Variants in TMEM117 observed in about 807,000 individuals in gnomAD.
TMEM117 encodes transmembrane protein 117.
Under a neutral mutation model 52.4 loss-of-function variants are expected in TMEM117, and 27 were observed. That is an observed-to-expected ratio of 0.51 (90% confidence interval 0.38 to 0.71). The LOEUF is 0.71. Ranked by LOEUF, TMEM117 falls within the 30% of genes least tolerant of loss-of-function variation. The pLI, the probability that TMEM117 is intolerant of heterozygous loss-of-function variation, is 0.00. For synonymous variants in TMEM117, 215 were observed against 206.3 expected, an observed-to-expected ratio of 1.04 and a Z score of -0.36; for missense variants, 556 against 630.5, an observed-to-expected ratio of 0.88 and a Z score of 1.26.
intron 2 of TMEM117, among the ~76,000 whole-genome samples, chr12:43,893,450 A>G (rs1029866952): frequency 6.6e-6 from 1 of 152,222 alleles, no homozygotes; most frequent in African/African-American, 2.4e-5. Flanking sequence ...ATTTTTTGAA[A>G]CCAAGTTTCA....
At chr12:43,820,581 A>ATTT in the TMEM117 span, among the ~76,000 whole-genome samples, 3 of 135,148 alleles carry the variant, frequency 2.2e-5, no homozygotes, top group Non-Finnish European at 3.2e-5. Context: ...CCACAGGCGT[A>ATTT]TTTTTTTTTT....
rs192526739 is a variant in TMEM117 at position 43,979,114 on chromosome 12, G to A, written c.410+34772G>A. Among the ~76,000 whole-genome samples, 59 of 151,970 alleles carry A rather than the reference G, an allele frequency of 3.9e-4. 1 individual carries two copies. The East Asian group carries it at 4.3e-3, about 11-fold the overall frequency. ...TCAGTAGTTATGTTCAAGGAGGGGC[G>A]AAGCCAATTAATATTACCCAGTAAT... is the stretch of plus-strand genomic sequence containing the variant. On this transcript the variant is annotated intron_variant, in intron 3 of 7. Transcript: ENST00000266534.
intron 4 of TMEM117, among the ~76,000 whole-genome samples, chr12:44,208,528 A>G (rs1949601146): frequency 2.0e-5 from 3 of 152,084 alleles, no homozygotes; most frequent in Admixed American, 2.0e-4. Flanking sequence ...TCCTTGACCA[A>G]CACCAGAAAT....
chr12:44,222,823 C>T (rs1003700058), intron 5 of TMEM117, among the ~76,000 whole-genome samples: 4 of 152,154 alleles, frequency 2.6e-5, no homozygotes, highest in East Asian at 3.9e-4. Context: ...AAACAGAATC[C>T]CCATTACATC....
At chr12:44,267,442 A>T (rs894765533) in intron 5 of TMEM117, among the ~76,000 whole-genome samples, 2 of 152,186 alleles carry the variant, frequency 1.3e-5, no homozygotes, top group Admixed American at 6.5e-5. Context: ...TACACTGTGA[A>T]ACCATCAACC....
intron 3 of TMEM117, among the ~76,000 whole-genome samples, chr12:44,067,626 C>T (rs904077263): frequency 5.3e-5 from 8 of 152,084 alleles, no homozygotes; most frequent in Non-Finnish European, 1.2e-4. Flanking sequence ...TATGTCTCAA[C>T]GGTGGGCTTA....
chr12:44,054,402 A>G (rs1947019279), intron 3 of TMEM117, among the ~76,000 whole-genome samples: 1 of 152,194 alleles, frequency 6.6e-6, no homozygotes. Flanking sequence ...AATAGATTAT[A>G]TTGCAAATCC....
chr12:44,056,766 C>A (rs971544448), intron 3 of TMEM117, among the ~76,000 whole-genome samples: 1 of 152,144 alleles, frequency 6.6e-6, no homozygotes, highest in Non-Finnish European at 1.5e-5. Context: ...CTCTCTCTGT[C>A]TCTCTGTCTT....
At chr12:43,892,581 A>G (rs1311770676) in intron 2 of TMEM117, among the ~76,000 whole-genome samples, 1 of 152,208 alleles carries the variant, frequency 6.6e-6, no homozygotes, top group Non-Finnish European at 1.5e-5. Context: ...AAGGACAGCA[A>G]TTTAGGCCTG....
chr12:43,876,323 T>C (rs1289749850), intron 2 of TMEM117, among the ~76,000 whole-genome samples: 1 of 152,206 alleles, frequency 6.6e-6, no homozygotes. Flanking sequence ...CTTCTTGCCA[T>C]GCGGGGCCCA....
intron 2 of TMEM117, among the ~76,000 whole-genome samples, chr12:43,867,750 AAAAC>A (rs1189180186): frequency 2.6e-5 from 4 of 152,228 alleles, no homozygotes; most frequent in Non-Finnish European, 1.5e-5. Context: ...TCTGCACAAT[AAAAC>A]AATCATATAC....
intron 5 of TMEM117, among the ~76,000 whole-genome samples, chr12:44,241,305 A>C (rs1950058935): frequency 6.6e-6 from 1 of 151,834 alleles, no homozygotes; most frequent in South Asian, 2.1e-4. Flanking sequence ...AGGGCTGACC[A>C]TATCTGATAA....
chr12:44,389,053 G>GATAA lies in TMEM117; in HGVS notation c.*381_*382insATAA. On this transcript the variant is annotated 3_prime_UTR_variant, in exon 8 of 8. Transcript: ENST00000266534. ...AACAGTTACCTAACCTATTTCACAT[G>GATAA]GGCGTTTTGTATACAACTATTTTGA... 6.9e-6 allele frequency: 1 copy of GATAA among 144,062 alleles called. No individual in the cohort carries two copies. Among genetic ancestry groups the GATAA allele is most frequent in the Non-Finnish European group, 1.5e-5 (1 of 65,460 alleles). 8.9% of individuals were successfully genotyped at this position (144,062 alleles called of 1,614,324 possible).
At chr12:44,162,331 C>T (rs1266616715) in intron 4 of TMEM117, among the ~76,000 whole-genome samples, 2 of 152,112 alleles carry the variant, frequency 1.3e-5, no homozygotes, top group African/African-American at 4.8e-5. Flanking sequence ...GTCTCAGCTT[C>T]CTCAATATTC....
chr12:44,245,561 T>C (rs1950118165), intron 5 of TMEM117, among the ~76,000 whole-genome samples: 1 of 137,840 alleles, frequency 7.3e-6, no homozygotes, highest in Admixed American at 6.7e-5. Context: ...GCAACTTAAC[T>C]GAATTATTTA....
upstream of TMEM117, among the ~76,000 whole-genome samples, chr12:43,833,174 G>C (rs1034920650): frequency 1.2e-4 from 18 of 152,326 alleles, no homozygotes; most frequent in African/African-American, 4.3e-4. Flanking sequence ...CATTGGTAGA[G>C]CTTATTCTTA....
chr12:44,237,801 G>A (rs1950016571), intron 5 of TMEM117, among the ~76,000 whole-genome samples: 2 of 152,058 alleles, frequency 1.3e-5, no homozygotes, highest in Non-Finnish European at 2.9e-5. Flanking sequence ...GCATATAATA[G>A]GTATTAGATA....
At chr12:44,235,347 A>T (rs80196161) in intron 5 of TMEM117, among the ~76,000 whole-genome samples, 1 of 150,946 alleles carries the variant, frequency 6.6e-6, no homozygotes, top group Admixed American at 6.6e-5. Flanking sequence ...ATGCACAGTT[A>T]GATTTTTAGA....
chr12:44,219,123 C>T (rs1043413579), intron 5 of TMEM117, among the ~76,000 whole-genome samples: 49 of 152,094 alleles, frequency 3.2e-4, no homozygotes, highest in Non-Finnish European at 6.5e-4. Context: ...ATCCAGGAAA[C>T]CCTTGGAGTT....
Sources: allele counts gnomAD v4.1 joint callset (sites outside exome capture counted in the v4.1 genomes callset), GRCh38; gene constraint gnomAD v4.1.1; transcripts MANE v1.5; gene names NCBI Gene and HGNC (gene_info 2026-07-23, HGNC 2026-07-21).